The following CPNE5 variants were observed in gnomAD, a reference collection of about 807,000 sequenced individuals.
The protein encoded by CPNE5 is copine 5, also known as copine-5.
Under a neutral mutation model 81.1 loss-of-function variants are expected in CPNE5, and 42 were observed. The observed-to-expected ratio is 0.52, with a 90% CI of 0.40 to 0.67. The LOEUF (loss-of-function observed/expected upper bound fraction) is 0.67. Ranked by LOEUF, CPNE5 falls within the 30% of genes least tolerant of loss-of-function variation. The pLI is 0.00. For synonymous variants in CPNE5, 313 were observed against 321.5 expected, an observed-to-expected ratio of 0.97 and a Z score of 0.28; for missense variants, 612 against 815.5, an observed-to-expected ratio of 0.75 and a Z score of 3.04.
chr6:36,781,091 C>T (rs1341965400), intron 8 of CPNE5, among the ~76,000 whole-genome samples: 1 of 152,184 alleles, frequency 6.6e-6, no homozygotes, highest in Non-Finnish European at 1.5e-5. Context: ...CAGGGAGGGG[C>T]TGCATTCCGG....
chr6:36,793,580 C>T (rs1769288015), intron 7 of CPNE5, among the ~76,000 whole-genome samples: 1 of 152,128 alleles, frequency 6.6e-6, no homozygotes, highest in Non-Finnish European at 1.5e-5. Flanking sequence ...CAGCCCCAAC[C>T]TGCTCCCACC....
At chr6:36,806,021 G>T (rs1770558709) in intron 3 of CPNE5, among the ~76,000 whole-genome samples, 1 of 152,202 alleles carries the variant, frequency 6.6e-6, no homozygotes, top group Admixed American at 6.5e-5. Context: ...TCAGAGGGAA[G>T]CCCAGAGCAG....
chr6:36,750,125 G>A (rs957778338), intron 14 of CPNE5, among the ~76,000 whole-genome samples: 4 of 152,226 alleles, frequency 2.6e-5, no homozygotes, highest in Non-Finnish European at 5.9e-5. Flanking sequence ...ATGAGGACAC[G>A]AGGCTGGGAT....
chr6:36,822,057 C>G (rs1178865304), intron 3 of CPNE5, 57 bp downstream of exon 3: 19 of 1,451,490 alleles, frequency 1.3e-5, no homozygotes, highest in African/African-American at 2.8e-5. Context: ...GAATTAGAGA[C>G]AGACAGGCAG....
intron 6 of CPNE5, among the ~76,000 whole-genome samples, chr6:36,794,915 G>A (rs530304763): frequency 2.6e-5 from 4 of 152,256 alleles, no homozygotes; most frequent in East Asian, 1.9e-4. Context: ...TTCCCAGGCC[G>A]AGCCCATACC....
chr6:36,815,058 T>C (rs578008813), intron 3 of CPNE5, among the ~76,000 whole-genome samples: 1 of 151,346 alleles, frequency 6.6e-6, no homozygotes, highest in Non-Finnish European at 1.5e-5. Context: ...CTCAGGAGGC[T>C]GAGGCAGGAG....
chr6:36,831,722 C>T (rs1773008378), intron 1 of CPNE5, among the ~76,000 whole-genome samples: 1 of 150,416 alleles, frequency 6.6e-6, no homozygotes, highest in African/African-American at 2.4e-5. Context: ...CAGTAGTGTT[C>T]AGTTATTGGT....
At chr6:36,775,777 A>G (rs1195229525) in intron 9 of CPNE5, among the ~76,000 whole-genome samples, 3 of 151,794 alleles carry the variant, frequency 2.0e-5, no homozygotes, top group Non-Finnish European at 4.4e-5. Context: ...TATTCTGCTC[A>G]TGGTCTGTCA....
In CPNE5 at chr6:36,790,846, A is replaced by G. The variant is rs556189954; in HGVS notation, c.528+1187T>C. On this transcript the variant is annotated intron_variant, in intron 8 of 20. Transcript: ENST00000244751. ...GCGTGAGCCACCGTGCCCGGCCCCAAAAAAAATGCGTTATTTATGTTGACC... is the reference window on the plus strand; with the variant it reads ...GCGTGAGCCACCGTGCCCGGCCCCAGAAAAAATGCGTTATTTATGTTGACC... Among the ~76,000 whole-genome samples, 11 of 152,252 alleles carry G rather than the reference A, an allele frequency of 7.2e-5. No individual in the cohort carries two copies. The East Asian group carries it at 2.1e-3, about 29-fold the overall frequency.
intron 10 of CPNE5, among the ~76,000 whole-genome samples, chr6:36,768,225 C>CTGTTTTTTTTTTTTT (rs1766736142): frequency 1.7e-5 from 1 of 60,514 alleles, no homozygotes; most frequent in African/African-American, 6.4e-5. Flanking sequence ...ATTCACAGTT[C>CTGTTTTTTTTTTTTT]TTTTTTTTTT....
chr6:36,834,872 C>T (rs1583063908), intron 1 of CPNE5, among the ~76,000 whole-genome samples: 1 of 152,130 alleles, frequency 6.6e-6, no homozygotes, highest in East Asian at 1.9e-4. Flanking sequence ...CTCCCTCCCC[C>T]AAACCACCCT....
chr6:36,836,174 T>G, intron 1 of CPNE5, among the ~76,000 whole-genome samples: 1 of 152,016 alleles, frequency 6.6e-6, no homozygotes, highest in Non-Finnish European at 1.5e-5. Flanking sequence ...TGTTTGGGAG[T>G]ATAGTATACT....
At chr6:36,770,931 G>C (rs372992006) in intron 10 of CPNE5, among the ~76,000 whole-genome samples, 2 of 152,018 alleles carry the variant, frequency 1.3e-5, no homozygotes, top group East Asian at 3.9e-4. Context: ...TAAGAATCTG[G>C]CTGCCGATCA....
At chr6:36,765,258 T>C in intron 11 of CPNE5, 77 bp downstream of exon 11, 2 of 1,521,796 alleles carry the variant, frequency 1.3e-6, no homozygotes, top group Non-Finnish European at 1.8e-6. Flanking sequence ...TGGTCACAGC[T>C]CCGCATGGGA....
chr6:36,829,501 A>T (rs1476497866), intron 1 of CPNE5, among the ~76,000 whole-genome samples: 1 of 151,168 alleles, frequency 6.6e-6, no homozygotes, highest in Non-Finnish European at 1.5e-5. Flanking sequence ...TGTCTCAAAA[A>T]TAAATAAATA....
intron 4 of CPNE5, 105 bp downstream of exon 4, chr6:36,799,862 T>G: frequency 2.5e-6 from 2 of 795,652 alleles, no homozygotes; most frequent in Non-Finnish European, 2.1e-6. Flanking sequence ...AACCCTGGGC[T>G]CCCACTAATT....
chr6:36,754,303 T>G (rs1765173698), intron 13 of CPNE5: 1 of 151,500 alleles, frequency 6.6e-6, no homozygotes, highest in Non-Finnish European at 1.5e-5. Flanking sequence ...GATGAAGCAA[T>G]GCCCTAACTG....
At position 36,793,882 on chromosome 6, in the gene CPNE5, T is replaced by A. The variant is rs994513612; in HGVS notation, c.464+708A>T. On this transcript the variant is annotated intron_variant, in intron 7 of 20. Coordinates refer to ENST00000244751, the MANE Select transcript of CPNE5 (RefSeq NM_020939.2). ...TGCAGAGGCCCCTCCAGGCAGAGGT[T>A]CCCTGCCCTGCACACCCCCACCTCC... Among the ~76,000 whole-genome samples the A allele has an allele frequency of 5.3e-5, 8 of 152,238 alleles. No homozygotes were observed. The South Asian group carries it at 8.3e-4, about 16-fold the overall frequency.
chr6:36,784,343 G>A (rs1768325963), intron 8 of CPNE5, among the ~76,000 whole-genome samples: 1 of 152,252 alleles, frequency 6.6e-6, no homozygotes, highest in Non-Finnish European at 1.5e-5. Flanking sequence ...ACGAAGGCAA[G>A]CTTCCTCCCT....
Sources: gnomAD v4.1 joint callset for allele counts (sites outside exome capture counted in the v4.1 genomes callset) on GRCh38, gnomAD v4.1.1 for gene constraint, MANE v1.5 for transcripts, NCBI Gene and HGNC (gene_info 2026-07-23, HGNC 2026-07-21) for gene names.